Variants in XKR4 observed in about 807,000 individuals in gnomAD.
XKR4 encodes XK related 4, also known as XK-related protein 4.
In XKR4, 12 loss-of-function variants were observed where a neutral mutation model predicts 53.9. That is an observed-to-expected ratio of 0.22 (90% confidence interval 0.14 to 0.36). The LOEUF is 0.36. Among genes scored for constraint, XKR4 ranks in the 10% least tolerant of loss-of-function variants. XKR4 has a pLI of 1.00. For missense variants in XKR4, 799 were observed against 859.5 expected, an observed-to-expected ratio of 0.93 and a Z score of 0.88; for synonymous variants, 354 against 362.4, an observed-to-expected ratio of 0.98 and a Z score of 0.26.
intron 2 of XKR4, chr8:55,452,522 C>T (rs980920238): frequency 6.1e-6 from 4 of 658,440 alleles, no homozygotes; most frequent in African/African-American, 1.8e-5. Flanking sequence ...CACCAGACAG[C>T]AGGTGCAGCC....
At chr8:55,334,891 C>A (rs1281478817) in intron 1 of XKR4, among the ~76,000 whole-genome samples, 1 of 152,144 alleles carries the variant, frequency 6.6e-6, no homozygotes, top group East Asian at 1.9e-4. Context: ...TTCCTGGGTC[C>A]TTTGCTAATG....
rs769015874 is a variant in XKR4 at position 55,357,696 on chromosome 8, C to T, written c.825C>T (p.Tyr275=). The change falls in exon 2 of 3, where the codon TAC becomes TAT. Residue 275 remains tyrosine (Y), a synonymous_variant. Coordinates refer to ENST00000327381, the MANE Select transcript of XKR4 (RefSeq NM_052898.2). ...GQIWRYFHTI[Y]LGIRSRQSGE... Reference sequence around the variant, plus strand: ...TTTCTAGATATTTCCACACAATATACTTAGGTATTCGAAGCCGACAGAGTG... The same window carrying T: ...TTTCTAGATATTTCCACACAATATATTTAGGTATTCGAAGCCGACAGAGTG... 6.2e-7 allele frequency: 1 copy of T among 1,614,130 alleles called. No homozygotes were observed.
chr8:55,341,453 G>A (rs1803545222), intron 1 of XKR4, among the ~76,000 whole-genome samples: 3 of 152,154 alleles, frequency 2.0e-5, no homozygotes, highest in African/African-American at 7.2e-5. Flanking sequence ...GAGTGCTACA[G>A]GACCACAGGC....
At chr8:55,271,565 G>C (rs1230851175) in intron 1 of XKR4, among the ~76,000 whole-genome samples, 1 of 152,258 alleles carries the variant, frequency 6.6e-6, no homozygotes, top group African/African-American at 2.4e-5. Context: ...GAGTTTGGCA[G>C]AGACTCACTT....
In XKR4 at chr8:55,421,405, C is replaced by T. The variant is rs1218085938; in HGVS notation, c.1006+63528C>T. ...GGAGGCAAGTTCATAGAAAAAGAAA[C>T]TGGATCCAACCAATGGGCCATGGAG... is the stretch of plus-strand genomic sequence containing the variant. On this transcript the variant is annotated intron_variant, in intron 2 of 2. Coordinates refer to ENST00000327381, the MANE Select transcript of XKR4 (RefSeq NM_052898.2). Among the ~76,000 whole-genome samples, 3 of 152,202 alleles carry T rather than the reference C, an allele frequency of 2.0e-5. No homozygotes were observed. In the East Asian group the frequency reaches 5.8e-4, roughly 29 times the overall value.
At chr8:55,138,140 C>T (rs139102859) in intron 1 of XKR4, among the ~76,000 whole-genome samples, 223 of 152,156 alleles carry the variant, frequency 1.5e-3, no homozygotes, top group South Asian at 6.0e-3. Context: ...AGCAAATGTC[C>T]GTTCATGCTC....
At position 55,187,305 on chromosome 8, in the gene XKR4, C is replaced by CAAA. The variant is rs1168014848; in HGVS notation, c.806+84029_806+84031dup. Among the ~76,000 whole-genome samples, 535 of 95,432 alleles carry CAAA rather than the reference C, an allele frequency of 5.6e-3. 8 individuals carry two copies. The highest frequency in any genetic ancestry group is 0.014 in the African/African-American group (345 of 25,288). 62.6% of individuals were successfully genotyped at this position (95,432 alleles called of 152,430 possible). A position where few individuals can be genotyped will look rare whatever the true frequency, so the allele number is the denominator to read the frequency against. On this transcript the variant is annotated intron_variant, in intron 1 of 2. Coordinates refer to ENST00000327381, the MANE Select transcript of XKR4 (RefSeq NM_052898.2). ...GTGGGAAAATCTCTGTTTCCAGGAC[C>CAAA]AAAAAAAAAAAAAAAAAAAAGAAGA...
At chr8:55,217,039 G>A (rs1817810920) in intron 1 of XKR4, among the ~76,000 whole-genome samples, 5 of 151,870 alleles carry the variant, frequency 3.3e-5, no homozygotes, top group South Asian at 2.1e-4. Context: ...TCAGGAGATC[G>A]AGACCATCCT....
intron 1 of XKR4, among the ~76,000 whole-genome samples, chr8:55,283,971 G>A (rs1386528842): frequency 6.6e-6 from 1 of 152,130 alleles, no homozygotes; most frequent in Non-Finnish European, 1.5e-5. Context: ...CTTCCTTCCA[G>A]CTCTGCCATG....
At chr8:55,319,143 C>T (rs1803166548) in intron 1 of XKR4, among the ~76,000 whole-genome samples, 1 of 152,082 alleles carries the variant, frequency 6.6e-6, no homozygotes, top group African/African-American at 2.4e-5. Flanking sequence ...GAGAGAAATA[C>T]ACTGACAAAA....
chr8:55,133,837 A>G (rs1005497755), intron 1 of XKR4, among the ~76,000 whole-genome samples: 2 of 152,238 alleles, frequency 1.3e-5, no homozygotes, highest in Non-Finnish European at 2.9e-5. Context: ...TTTAATCACC[A>G]ATAATGGAGA....
chr8:55,252,285 G>A (rs1050880365), intron 1 of XKR4, among the ~76,000 whole-genome samples: 5 of 152,294 alleles, frequency 3.3e-5, no homozygotes, highest in Admixed American at 3.3e-4. Context: ...CCATCAAGTT[G>A]GGCAAGTCTG....
chr8:55,263,348 T>C (rs1427396234), intron 1 of XKR4, among the ~76,000 whole-genome samples: 1 of 152,216 alleles, frequency 6.6e-6, no homozygotes, highest in African/African-American at 2.4e-5. Context: ...TGTGCCCTGG[T>C]CATGGCCCAT....
At chr8:55,118,806 T>C (rs998951344) in intron 1 of XKR4, among the ~76,000 whole-genome samples, 2 of 152,224 alleles carry the variant, frequency 1.3e-5, no homozygotes, top group African/African-American at 4.8e-5. Context: ...AGTTAAATGA[T>C]TTTATTGCAA....
intron 2 of XKR4, among the ~76,000 whole-genome samples, chr8:55,399,014 AT>A (rs1412083998): frequency 6.6e-6 from 1 of 152,226 alleles, no homozygotes; most frequent in African/African-American, 2.4e-5. Flanking sequence ...TCATGGCAAT[AT>A]TTTAGTACAC....
At chr8:55,256,286 T>C (rs190665525) in intron 1 of XKR4, among the ~76,000 whole-genome samples, 42 of 152,330 alleles carry the variant, frequency 2.8e-4, no homozygotes, top group Non-Finnish European at 5.9e-4. Context: ...TTCTGAACTT[T>C]CACTGGTACC....
At chr8:55,400,436 G>A (rs1804581959) in intron 2 of XKR4, among the ~76,000 whole-genome samples, 1 of 152,174 alleles carries the variant, frequency 6.6e-6, no homozygotes, top group African/African-American at 2.4e-5. Flanking sequence ...TCCGAGGCAA[G>A]GAATCGTTAG....
At chr8:55,359,931 C>T (rs1803874763) in intron 2 of XKR4, among the ~76,000 whole-genome samples, 2 of 152,114 alleles carry the variant, frequency 1.3e-5, no homozygotes, top group Admixed American at 6.5e-5. Context: ...CCCAGCTAAC[C>T]GATTAAGCTT....
In XKR4 at chr8:55,430,849, C is replaced by T. The variant is rs147447100; in HGVS notation, c.1006+72972C>T. Among the ~76,000 whole-genome samples, 892 of 152,288 alleles carry T rather than the reference C, an allele frequency of 5.9e-3. 2 individuals carry two copies. The highest frequency in any genetic ancestry group is 0.01 in the Middle Eastern group (3 of 294). ...ATCAGTCCTATAGGATTAGGACTCA[C>T]CCTTGTGACCTAATTTTAACTTAAT... On this transcript the variant is annotated intron_variant, in intron 2 of 2. Coordinates refer to ENST00000327381, the MANE Select transcript of XKR4 (RefSeq NM_052898.2).
Sources: allele counts gnomAD v4.1 joint callset (sites outside exome capture counted in the v4.1 genomes callset), GRCh38; gene constraint gnomAD v4.1.1; transcripts MANE v1.5; gene names NCBI Gene and HGNC (gene_info 2026-07-23, HGNC 2026-07-21).